Variants in RPS6KA5 observed in about 807,000 individuals in gnomAD.
The protein encoded by RPS6KA5 is ribosomal protein S6 kinase alpha-5.
A neutral mutation model predicts 85.5 loss-of-function variants in RPS6KA5; 27 were observed. The ratio of observed to expected loss-of-function variants is 0.32; its 90% CI spans 0.23 to 0.44. The LOEUF is 0.44. RPS6KA5 is among the 20% of genes least tolerant of loss of function. The pLI is 1.00. For synonymous variants in RPS6KA5, 334 were observed against 348.2 expected (o/e 0.96, Z 0.46); for missense variants, 811 against 980.9 (o/e 0.83, Z 2.31).
At chr14:91,025,979 C>T (rs1302749950) in intron 1 of RPS6KA5, among the ~76,000 whole-genome samples, 1 of 151,754 alleles carries the variant, frequency 6.6e-6, no homozygotes, top group Non-Finnish European at 1.5e-5. Context: ...AGTTTTTCAG[C>T]CTTTTCCCTC....
intron 5 of RPS6KA5, among the ~76,000 whole-genome samples, chr14:90,938,244 G>T (rs2037381281): frequency 6.6e-6 from 1 of 152,202 alleles, no homozygotes; most frequent in African/African-American, 2.4e-5. Flanking sequence ...TCACATCCAG[G>T]TCACGCTGAT....
chr14:91,029,520 A>G (rs2042105064), intron 1 of RPS6KA5, among the ~76,000 whole-genome samples: 1 of 152,230 alleles, frequency 6.6e-6, no homozygotes, highest in Non-Finnish European at 1.5e-5. Flanking sequence ...AGAGCTATCT[A>G]AAACAGTAGT....
intron 2 of RPS6KA5, among the ~76,000 whole-genome samples, chr14:90,985,147 TAGTC>T (rs1483185455): frequency 6.6e-6 from 1 of 152,174 alleles, no homozygotes; most frequent in Non-Finnish European, 1.5e-5. Context: ...TTTTCCATGT[TAGTC>T]AGGCTGGTCT....
At chr14:90,990,568 T>C (rs1178239529) in intron 2 of RPS6KA5, among the ~76,000 whole-genome samples, 1 of 152,138 alleles carries the variant, frequency 6.6e-6, no homozygotes, top group South Asian at 2.1e-4. Flanking sequence ...CAAAAAGACA[T>C]ATGTACTCAT....
At chr14:91,020,695 C>G (rs1447442652) in intron 1 of RPS6KA5, among the ~76,000 whole-genome samples, 1 of 150,720 alleles carries the variant, frequency 6.6e-6, no homozygotes, top group Admixed American at 6.6e-5. Flanking sequence ...GTCCTGGTCT[C>G]TGGAGAAGCC....
At chr14:90,904,745 A>G (rs1323816369) in intron 8 of RPS6KA5, among the ~76,000 whole-genome samples, 2 of 152,170 alleles carry the variant, frequency 1.3e-5, no homozygotes, top group East Asian at 3.8e-4. Flanking sequence ...GGCCTTTACA[A>G]GTAGAATTCT....
At chr14:90,999,590 A>G (rs1289916622) in intron 2 of RPS6KA5, among the ~76,000 whole-genome samples, 3 of 152,238 alleles carry the variant, frequency 2.0e-5, no homozygotes, top group African/African-American at 4.8e-5. Flanking sequence ...TTCTCACAGC[A>G]GCGGTGGCTG....
At chr14:90,966,993 A>G (rs980139724) in intron 3 of RPS6KA5, among the ~76,000 whole-genome samples, 1 of 152,224 alleles carries the variant, frequency 6.6e-6, no homozygotes, top group African/African-American at 2.4e-5. Context: ...ACAACTGAAG[A>G]ACAAAAGAAA....
chr14:90,951,605 G>T (rs2038194098), intron 3 of RPS6KA5, among the ~76,000 whole-genome samples: 1 of 152,158 alleles, frequency 6.6e-6, no homozygotes. Context: ...AATGACTCGT[G>T]GTTTAATAAT....
At chr14:90,979,196 CCAGGTGGAGGAATTGGGG>C (rs1295294041) in intron 2 of RPS6KA5, among the ~76,000 whole-genome samples, 1 of 152,228 alleles carries the variant, frequency 6.6e-6, no homozygotes, top group African/African-American at 2.4e-5. Flanking sequence ...TGCCCCTCCT[CCAGGTGGAGGAATTGGGG>C]CCATGTGGGC....
At position 90,868,396 on chromosome 14, in the gene RPS6KA5, T is replaced by G. The variant is rs2032896108; in HGVS notation, c.*3678A>C. 2 of 152,218 alleles carry G rather than the reference T, an allele frequency of 1.3e-5. No homozygotes were observed. Among genetic ancestry groups the G allele is most frequent in the Non-Finnish European group, 2.9e-5 (2 of 68,034 alleles). 9.4% of individuals were successfully genotyped at this position (152,218 alleles called of 1,614,324 possible). ...AAGACTGGAAATTGGGGTATTATCA[T>G]GTAAGACATTTGAGAGGCCAAAAGT... On this transcript the variant is annotated 3_prime_UTR_variant, in exon 17 of 17. Coordinates refer to ENST00000614987, the MANE Select transcript of RPS6KA5 (RefSeq NM_004755.4).
At chr14:90,935,500 G>T (rs2037207269) in intron 5 of RPS6KA5, among the ~76,000 whole-genome samples, 1 of 152,104 alleles carries the variant, frequency 6.6e-6, no homozygotes. Flanking sequence ...TACAGATGAT[G>T]AAATTAAGAC....
chr14:90,978,641 C>G (rs1392725438), intron 2 of RPS6KA5, 117 bp from the exon 3 acceptor site: 2 of 697,600 alleles, frequency 2.9e-6, no homozygotes, highest in Non-Finnish European at 4.6e-6. Flanking sequence ...GAAAAAGTAC[C>G]CTTGGTACCA....
At chr14:90,892,957 CAAAT>C (rs1367594038) in intron 13 of RPS6KA5, among the ~76,000 whole-genome samples, 18 of 152,108 alleles carry the variant, frequency 1.2e-4, no homozygotes, top group African/African-American at 4.3e-4. Flanking sequence ...AGCCTTATAA[CAAAT>C]AAGAAGAATT....
rs747371219 is a variant in RPS6KA5, at chr14:90,875,318, G to C, written c.1879C>G (p.Arg627Gly). ...ACCGCGCTGGTACACGTCAAACTTC[G>C]GTCATGAGATTGGAAGGGAACCTGT... ...SGQVPFQSHD[R>G]SLTCTSAVEI... The change falls in exon 15 of 17, where the codon CGA becomes GGA. Residue 627 changes from arginine (R) to glycine (G), a missense_variant. Around this residue, in one of 3 missense-constraint regions of RPS6KA5, gnomAD observed 650 missense variants for 793.4 expected, o/e 0.82. Transcript: ENST00000614987. 5.0e-6 allele frequency: 8 copies of C among 1,613,608 alleles called. No individual in the cohort carries two copies. The South Asian group carries it at 8.8e-5, about 18-fold the overall frequency.
chr14:90,893,986 T>C, intron 13 of RPS6KA5: 1 of 857,750 alleles, frequency 1.2e-6, no homozygotes, highest in Non-Finnish European at 1.4e-6. Flanking sequence ...TAGAATAGAA[T>C]TATATACATT....
chr14:91,009,593 A>C (rs1248872274), intron 1 of RPS6KA5, among the ~76,000 whole-genome samples: 1 of 152,178 alleles, frequency 6.6e-6, no homozygotes, highest in African/African-American at 2.4e-5. Context: ...AGACAGCCCT[A>C]TATCTAAAGC....
At position 90,873,728 on chromosome 14, in the gene RPS6KA5, T is replaced by C. The variant is rs764041515; in HGVS notation, c.2064A>G (p.Gln688=). 1.2e-6 allele frequency: 2 copies of C among 1,614,136 alleles called. No homozygotes were observed. The highest frequency in any genetic ancestry group is 1.1e-5 in the South Asian group (1 of 91,084). The change falls in exon 16 of 17, where the codon CAA becomes CAG. Residue 688 remains glutamine (Q), a synonymous_variant. Transcript: ENST00000614987. ...GATTGGAGGACAGCTGACTTCCATC[T>C]TGTAGCCATTCATTGTACCTCAAGC... The part of the protein sequence containing the change: ...MSGLRYNEWL[Q]DGSQLSSNPL...
intron 1 of RPS6KA5, among the ~76,000 whole-genome samples, chr14:91,023,136 T>G (rs2041855051): frequency 1.4e-5 from 2 of 142,590 alleles, no homozygotes; most frequent in Non-Finnish European, 3.1e-5. Flanking sequence ...TATGGGCCCA[T>G]CCTTGTTCCT....
Sources: gnomAD v4.1 joint callset for allele counts (sites outside exome capture counted in the v4.1 genomes callset) on GRCh38, gnomAD v4.1.1 for gene constraint, gnomAD v4.1.1 regional missense constraint, MANE v1.5 for transcripts, NCBI Gene and HGNC (gene_info 2026-07-23, HGNC 2026-07-21) for gene names.